Variants in GPC6 observed in about 807,000 individuals in gnomAD.
GPC6 encodes the protein glypican-6.
Under a neutral mutation model 55.2 loss-of-function variants are expected in GPC6, and 14 were observed. The ratio of observed to expected loss-of-function variants is 0.25; its 90% CI spans 0.17 to 0.40. The LOEUF is 0.40. Among genes scored for constraint, GPC6 ranks in the 10% least tolerant of loss-of-function variants. The pLI, the probability that GPC6 is intolerant of heterozygous loss-of-function variation, is 1.00. For missense variants in GPC6, 641 were observed against 708.5 expected (o/e 0.90, Z 1.08); for synonymous variants, 278 against 259.6 (o/e 1.07, Z -0.68).
chr13:94,010,207 A>G (rs1255374726), intron 3 of GPC6, among the ~76,000 whole-genome samples: 1 of 152,202 alleles, frequency 6.6e-6, no homozygotes, highest in African/African-American at 2.4e-5. Context: ...GTAAATGCCA[A>G]TAAAAATTAG....
intron 2 of GPC6, among the ~76,000 whole-genome samples, chr13:93,592,898 T>C (rs1258999864): frequency 7.8e-6 from 1 of 127,974 alleles, no homozygotes; most frequent in African/African-American, 3.0e-5. Context: ...AATTAAAGTT[T>C]AAATTCTAAT....
intron 6 of GPC6, among the ~76,000 whole-genome samples, chr13:94,365,155 G>A (rs1253454958): frequency 6.6e-6 from 1 of 152,184 alleles, no homozygotes; most frequent in Non-Finnish European, 1.5e-5. Context: ...AATCTTTATG[G>A]TAGGTAAAAC....
intron 4 of GPC6, among the ~76,000 whole-genome samples, chr13:94,045,783 C>T (rs1883711236): frequency 6.6e-6 from 1 of 151,146 alleles, no homozygotes; most frequent in African/African-American, 2.4e-5. Flanking sequence ...GACACACACT[C>T]TCTACCATTG....
At chr13:93,499,070 T>C (rs996927708) in intron 1 of GPC6, among the ~76,000 whole-genome samples, 3 of 147,452 alleles carry the variant, frequency 2.0e-5, no homozygotes, top group African/African-American at 7.5e-5. Flanking sequence ...ATTAACATAG[T>C]ATATCCACAA....
chr13:93,863,615 C>T (rs1372323146), intron 3 of GPC6, among the ~76,000 whole-genome samples: 2 of 151,604 alleles, frequency 1.3e-5, no homozygotes, highest in East Asian at 2.0e-4. Context: ...ATAGCTAAAT[C>T]GCATCCATCA....
intron 3 of GPC6, among the ~76,000 whole-genome samples, chr13:93,855,358 G>A (rs1888562114): frequency 6.6e-6 from 1 of 151,518 alleles, no homozygotes; most frequent in Non-Finnish European, 1.5e-5. Flanking sequence ...TGGCCTGGTA[G>A]CTCATTTCCT....
intron 4 of GPC6, among the ~76,000 whole-genome samples, chr13:94,042,880 C>T (rs1231676898): frequency 6.6e-6 from 1 of 151,622 alleles, no homozygotes; most frequent in Non-Finnish European, 1.5e-5. Context: ...GGAATTCTTC[C>T]CCCGAAAAAG....
chr13:93,408,833 C>T (rs143325534), intron 1 of GPC6, among the ~76,000 whole-genome samples: 38 of 151,906 alleles, frequency 2.5e-4, no homozygotes, highest in Non-Finnish European at 4.6e-4. Flanking sequence ...AGGGATGGGG[C>T]CATATAATCC....
intron 4 of GPC6, among the ~76,000 whole-genome samples, chr13:94,061,548 A>G (rs1398837739): frequency 2.6e-5 from 4 of 152,050 alleles, no homozygotes; most frequent in Non-Finnish European, 5.9e-5. Flanking sequence ...GCAGAGGATG[A>G]ATCAGGACTA....
intron 4 of GPC6, among the ~76,000 whole-genome samples, chr13:94,168,138 G>T (rs898681750): frequency 6.6e-6 from 1 of 152,212 alleles, no homozygotes; most frequent in African/African-American, 2.4e-5. Flanking sequence ...AGACAACTCA[G>T]CCAGTAAATG....
chr13:93,781,961 C>A (rs1434811777), intron 2 of GPC6, among the ~76,000 whole-genome samples: 2 of 152,000 alleles, frequency 1.3e-5, no homozygotes, highest in Non-Finnish European at 2.9e-5. Flanking sequence ...CATTTAAAAT[C>A]TACTTTTTTT....
intron 1 of GPC6, among the ~76,000 whole-genome samples, chr13:93,276,818 C>T (rs938891814): frequency 1.6e-4 from 24 of 152,128 alleles, no homozygotes; most frequent in Admixed American, 1.1e-3. Context: ...AGCCGCAGTC[C>T]ATCCTGGAGC....
chr13:93,625,559 G>T (rs7989631), intron 2 of GPC6, among the ~76,000 whole-genome samples: 2,751 of 152,140 alleles, frequency 0.018, 70 homozygotes, highest in African/African-American at 0.061. Context: ...AGCCTTCTGC[G>T]CAGGACAGGG....
intron 3 of GPC6, among the ~76,000 whole-genome samples, chr13:93,954,340 AG>A (rs1369237700): frequency 6.6e-6 from 1 of 152,084 alleles, no homozygotes; most frequent in Non-Finnish European, 1.5e-5. Flanking sequence ...ATTTTTGACA[AG>A]GTCTCATCTG....
chr13:94,352,956 C>T (rs1393283583), intron 6 of GPC6, among the ~76,000 whole-genome samples: 1 of 152,176 alleles, frequency 6.6e-6, no homozygotes, highest in Non-Finnish European at 1.5e-5. Context: ...ACTGTATGTC[C>T]TTTAGCTAAG....
At chr13:93,501,299 G>T (rs1193230393) in intron 1 of GPC6, among the ~76,000 whole-genome samples, 1 of 151,880 alleles carries the variant, frequency 6.6e-6, no homozygotes, top group East Asian at 1.9e-4. Context: ...GCACTCTGGG[G>T]GAATAATCAG....
At chr13:94,198,161 A>G (rs1306195930) in intron 4 of GPC6, among the ~76,000 whole-genome samples, 1 of 152,172 alleles carries the variant, frequency 6.6e-6, no homozygotes, top group African/African-American at 2.4e-5. Context: ...CATAATTACA[A>G]AGAAATTTCA....
In GPC6 at chr13:93,598,144, A is replaced by AAAT. The variant is rs377484568; in HGVS notation, c.319+52741_319+52743dup. ...GGCAACAGAGCGAGACTCCATCTCAAAATAATAATAATAATAATAAATAAA... is the reference window on the plus strand; with the variant it reads ...GGCAACAGAGCGAGACTCCATCTCAAAATAATAATAATAATAATAATAAATAAA... On this transcript the variant is annotated intron_variant, in intron 2 of 8. Coordinates refer to ENST00000377047, the MANE Select transcript of GPC6 (RefSeq NM_005708.5). 8.7e-4 allele frequency among the ~76,000 whole-genome samples: 132 copies of AAAT among 151,888 alleles called. 1 individual carries two copies. Among genetic ancestry groups the AAAT allele is most frequent in the Middle Eastern group, 6.8e-3 (2 of 292 alleles).
Position 93,681,076 on chromosome 13 carries a change from A to T in GPC6, c.319+135655A>T, listed in dbSNP as rs1484035873. ...TTATGTCCACATTACATTTGTCATT[A>T]TTCTTTGGTAACTTTGCTTCCATGA... On this transcript the variant is annotated intron_variant, in intron 2 of 8. Transcript: ENST00000377047. Among the ~76,000 whole-genome samples, 3 of 152,174 alleles carry T rather than the reference A, an allele frequency of 2.0e-5. No individual in the cohort carries two copies. The East Asian group carries it at 5.8e-4, about 29-fold the overall frequency.
Sources: allele counts gnomAD v4.1 joint callset (sites outside exome capture counted in the v4.1 genomes callset), GRCh38; gene constraint gnomAD v4.1.1; transcripts MANE v1.5; gene names NCBI Gene and HGNC (gene_info 2026-07-23, HGNC 2026-07-21).